The following CA8 variants were observed in gnomAD, a reference collection of about 807,000 sequenced individuals.
CA8 encodes carbonic anhydrase-related protein.
A neutral mutation model predicts 41.4 loss-of-function variants in CA8; 22 were observed. That is an observed-to-expected ratio of 0.53 (90% confidence interval 0.38 to 0.76). The LOEUF is 0.76. Among genes scored for constraint, CA8 ranks in the 30% least tolerant of loss-of-function variants. The probability of loss-of-function intolerance (pLI) is 0.00; values close to 1 mark genes in which losing one functional copy is unlikely to be tolerated. For synonymous variants in CA8, 121 were observed against 130.6 expected (o/e 0.93, Z 0.50); for missense variants, 270 against 352.8 (o/e 0.77, Z 1.88).
intron 7 of CA8, among the ~76,000 whole-genome samples, chr8:60,213,021 A>G (rs12542804): frequency 0.37 from 55,821 of 152,072 alleles, 10,705 homozygotes; most frequent in Admixed American, 0.45. Context: ...ATGTATACAG[A>G]GACAGATATA....
At chr8:60,209,658 T>C (rs1482395721) in intron 7 of CA8, among the ~76,000 whole-genome samples, 3 of 152,182 alleles carry the variant, frequency 2.0e-5, no homozygotes, top group East Asian at 3.8e-4. Context: ...ATCAGATAGA[T>C]TCAAGGTTTC....
intron 4 of CA8, among the ~76,000 whole-genome samples, chr8:60,229,672 A>G (rs561835069): frequency 5.3e-5 from 8 of 152,208 alleles, no homozygotes; most frequent in African/African-American, 1.9e-4. Context: ...TGAAAACTTT[A>G]ACTCTGAAAG....
At position 60,222,846 on chromosome 8, in the gene CA8, C is replaced by A. The variant is rs946048944; in HGVS notation, c.626-85G>T. ...ACTCCAACAACAATTTTCAAAATTA[C>A]AAACTGTCCAAATGATGCTTCTAAG... On this transcript the variant is annotated intron_variant, in intron 6 of 8. Coordinates refer to ENST00000317995, the MANE Select transcript of CA8 (RefSeq NM_004056.6). 11 of 807,462 alleles carry A rather than the reference C, an allele frequency of 1.4e-5. No individual in the cohort carries two copies. The Admixed American group carries it at 1.5e-4, about 11-fold the overall frequency. The allele number at this position is 807,462 out of a possible 1,614,324, so 50.0% of individuals were successfully genotyped here. A position where few individuals can be genotyped will look rare whatever the true frequency, so the allele number is the denominator to read the frequency against.
rs11345369 is a variant in CA8, at chr8:60,263,321, TAAAA to T, written c.417+2600_417+2603del. ...TGGGCGACAGGGCAAGACTCCATCTTAAAAAAAAAAAAAAAAAAGGTAATTCCTG... is the reference window on the plus strand; with the variant it reads ...TGGGCGACAGGGCAAGACTCCATCTTAAAAAAAAAAAAAAGGTAATTCCTG... On this transcript the variant is annotated intron_variant, in intron 3 of 8. Transcript: ENST00000317995. Among the ~76,000 whole-genome samples, 73 of 132,950 alleles carry T rather than the reference TAAAA, an allele frequency of 5.5e-4. 1 individual carries two copies. In the South Asian group the frequency reaches 0.016, roughly 28 times the overall value. 87.2% of individuals were successfully genotyped at this position (132,950 alleles called of 152,430 possible).
At position 60,222,733 on chromosome 8, in the gene CA8, A is replaced by G. The variant is rs763750848; in HGVS notation, c.654T>C (p.Tyr218=). ...AAGGTGGGATGGTGAGAGAGCCTTC[A>G]TACACCCAGTAATCCCGCAGCAGAG... The part of the protein sequence containing the change: ...PDPLLRDYWV[Y]EGSLTIPPCS... Residue 218 remains tyrosine, a synonymous_variant, in exon 7 of 9, where the codon TAT becomes TAC. Coordinates refer to ENST00000317995, the MANE Select transcript of CA8 (RefSeq NM_004056.6). 3 of 1,613,580 alleles carry G rather than the reference A, an allele frequency of 1.9e-6. No individual in the cohort carries two copies. Among genetic ancestry groups the G allele is most frequent in the Non-Finnish European group, 2.5e-6 (3 of 1,179,578 alleles).
chr8:60,211,966 T>A (rs966476740), intron 7 of CA8, among the ~76,000 whole-genome samples: 10 of 152,214 alleles, frequency 6.6e-5, no homozygotes, highest in Non-Finnish European at 1.2e-4. Flanking sequence ...CCAGAGACCA[T>A]TATTATCACA....
intron 4 of CA8, among the ~76,000 whole-genome samples, chr8:60,231,027 G>T (rs1807631130): frequency 6.6e-6 from 1 of 151,894 alleles, no homozygotes; most frequent in African/African-American, 2.4e-5. Context: ...TTAATAATGA[G>T]ATAGTACATT....
At chr8:60,203,275 G>T (rs1806485852) in intron 8 of CA8, among the ~76,000 whole-genome samples, 1 of 151,980 alleles carries the variant, frequency 6.6e-6, no homozygotes, top group Admixed American at 6.6e-5. Flanking sequence ...ATAAAAAAAA[G>T]AAAAATGAGA....
chr8:60,216,449 C>T (rs1325756803), intron 7 of CA8, among the ~76,000 whole-genome samples: 1 of 152,202 alleles, frequency 6.6e-6, no homozygotes, highest in African/African-American at 2.4e-5. Flanking sequence ...TTGAGAAGTA[C>T]AGCTAATTGA....
chr8:60,271,449 T>C (rs867447090), intron 2 of CA8, among the ~76,000 whole-genome samples: 3 of 152,362 alleles, frequency 2.0e-5, no homozygotes, highest in Middle Eastern at 3.4e-3. Context: ...AAATAATTTT[T>C]AAGATATTTT....
intron 3 of CA8, among the ~76,000 whole-genome samples, chr8:60,247,667 T>C (rs1284197474): frequency 6.6e-6 from 1 of 152,224 alleles, no homozygotes; most frequent in Non-Finnish European, 1.5e-5. Flanking sequence ...GATGGGTATT[T>C]GGGTTGGTTC....
intron 3 of CA8, among the ~76,000 whole-genome samples, chr8:60,257,084 G>A (rs950032477): frequency 1.3e-5 from 2 of 152,020 alleles, no homozygotes; most frequent in African/African-American, 2.4e-5. Flanking sequence ...AGGTTCAAGC[G>A]ATATCGTGCC....
At chr8:60,266,478 TAGA>T (rs1233236196) in intron 2 of CA8, among the ~76,000 whole-genome samples, 8 of 152,226 alleles carry the variant, frequency 5.3e-5, no homozygotes, top group Admixed American at 2.0e-4. Flanking sequence ...CCACTTGTAC[TAGA>T]AGGCTTCCAA....
At chr8:60,248,983 G>A (rs1394110274) in intron 3 of CA8, among the ~76,000 whole-genome samples, 2 of 152,088 alleles carry the variant, frequency 1.3e-5, no homozygotes, top group East Asian at 3.8e-4. Flanking sequence ...CACTTCCCTT[G>A]TTAGCTATAT....
chr8:60,223,349 G>T (rs1220967563), intron 6 of CA8, among the ~76,000 whole-genome samples: 1 of 152,092 alleles, frequency 6.6e-6, no homozygotes, highest in Non-Finnish European at 1.5e-5. Flanking sequence ...CTGGAGTGTG[G>T]TGGTGTGACC....
chr8:60,254,961 C>A (rs1808573837), intron 3 of CA8, among the ~76,000 whole-genome samples: 1 of 152,116 alleles, frequency 6.6e-6, no homozygotes, highest in African/African-American at 2.4e-5. Context: ...TGAAAGGAAA[C>A]AACGTTTCCT....
chr8:60,263,569 C>T (rs1803807245), intron 3 of CA8, among the ~76,000 whole-genome samples: 1 of 152,120 alleles, frequency 6.6e-6, no homozygotes, highest in South Asian at 2.1e-4. Flanking sequence ...AAACCATGTT[C>T]CCAAAAGGGT....
At chr8:60,264,770 C>T (rs190856752) in intron 3 of CA8, 4 of 152,272 alleles carry the variant, frequency 2.6e-5, no homozygotes, top group African/African-American at 4.8e-5. Flanking sequence ...CTAAGGTTCA[C>T]GTCTTTTATT....
chr8:60,198,489 C>G (rs1313954352), intron 8 of CA8, among the ~76,000 whole-genome samples: 17 of 152,138 alleles, frequency 1.1e-4, no homozygotes, highest in Non-Finnish European at 1.5e-4. Flanking sequence ...TGTTAGGATA[C>G]TTTGACACTT....
Sources: gnomAD v4.1 joint callset for allele counts (sites outside exome capture counted in the v4.1 genomes callset) on GRCh38, gnomAD v4.1.1 for gene constraint, MANE v1.5 for transcripts, NCBI Gene and HGNC (gene_info 2026-07-23, HGNC 2026-07-21) for gene names.